Variants in BACH1 observed in about 807,000 individuals in gnomAD.
BACH1 encodes BTB domain and CNC homolog 1, also known as transcription regulator protein BACH1.
In BACH1, 35 loss-of-function variants were observed where a neutral mutation model predicts 52.9. The ratio of observed to expected loss-of-function variants is 0.66; its 90% confidence interval spans 0.51 to 0.88. The LOEUF is 0.88. Among genes scored for constraint, BACH1 ranks in the 40% least tolerant of loss-of-function variants. BACH1 has a pLI of 0.00. For missense variants in BACH1, 808 were observed against 872.6 expected, an observed-to-expected ratio of 0.93 and a Z score of 0.93; for synonymous variants, 321 against 319.6, an observed-to-expected ratio of 1.00 and a Z score of -0.05.
chr21:29,354,774 G>C (rs2089223533), intron 2 of BACH1, among the ~76,000 whole-genome samples: 1 of 152,172 alleles, frequency 6.6e-6, no homozygotes, highest in Non-Finnish European at 1.5e-5. Context: ...TAAGACTTCT[G>C]CTCAGGAGGA....
At chr21:29,321,577 A>G (rs1366155151) in intron 2 of BACH1, 63 bp downstream of exon 2, 3 of 1,451,864 alleles carry the variant, frequency 2.1e-6, no homozygotes, top group African/African-American at 1.4e-5. Flanking sequence ...ATGGTTCATA[A>G]TGTTGAAAAT....
At chr21:29,310,044 T>G (rs1380137536) in intron 1 of BACH1, among the ~76,000 whole-genome samples, 3 of 152,192 alleles carry the variant, frequency 2.0e-5, no homozygotes, top group African/African-American at 4.8e-5. Flanking sequence ...CTTCTTTTTA[T>G]TTTAGATTTC....
At chr21:29,313,846 G>T (rs892251866) in intron 1 of BACH1, among the ~76,000 whole-genome samples, 1 of 152,170 alleles carries the variant, frequency 6.6e-6, no homozygotes, top group Non-Finnish European at 1.5e-5. Flanking sequence ...AGGAAGGGGC[G>T]TGTGAAATTT....
At chr21:29,348,259 A>G (rs989730996), downstream of BACH1, among the ~76,000 whole-genome samples, 1 of 152,168 alleles carries the variant, frequency 6.6e-6, no homozygotes, top group Non-Finnish European at 1.5e-5. Context: ...TCCAGAAGGA[A>G]CTAGGTTTGA....
intron 2 of BACH1, 103 bp downstream of exon 2, chr21:29,321,617 G>T: frequency 4.0e-6 from 4 of 1,008,610 alleles, no homozygotes; most frequent in Admixed American, 3.1e-5. Context: ...AGGTGGCTAT[G>T]GAGCATTTCC....
At chr21:29,314,304 T>C (rs1341470130) in intron 1 of BACH1, among the ~76,000 whole-genome samples, 2 of 152,230 alleles carry the variant, frequency 1.3e-5, no homozygotes, top group Non-Finnish European at 2.9e-5. Context: ...TGACCTGGAA[T>C]TATCAAAGTT....
rs1314485271 is a variant in BACH1 at position 29,326,911 on chromosome 21, G to A, written c.1087G>A (p.Glu363Lys). The A allele has an allele frequency of 8.1e-6, 13 of 1,614,102 alleles. No homozygotes were observed. The highest frequency in any genetic ancestry group is 2.2e-5 in the East Asian group (1 of 44,892). The change falls in exon 3 of 5, where the codon GAA becomes AAA. Residue 363 changes from glutamate (E) to lysine (K), a missense_variant. Physicochemically the swap from Glu to Lys is moderately conservative, Grantham distance 56. Coordinates refer to ENST00000286800, the MANE Select transcript of BACH1 (RefSeq NM_001186.4). Reference protein sequence around the residue: ...GTDVQEKTFGESQDLPLKSDL... With the variant: ...GTDVQEKTFGKSQDLPLKSDL... ...AGACGTCCAAGAAAAAACATTTGGT[G>A]AAAGTCAGGATTTACCTTTGAAATC...
intron 4 of BACH1, among the ~76,000 whole-genome samples, chr21:29,330,249 C>T (rs1429137468): frequency 6.6e-6 from 1 of 152,236 alleles, no homozygotes; most frequent in Non-Finnish European, 1.5e-5. Context: ...ACTGCAAGCT[C>T]TGCCTGCTGG....
intron 1 of BACH1, among the ~76,000 whole-genome samples, chr21:29,305,863 T>G (rs1209792561): frequency 6.6e-6 from 1 of 152,252 alleles, no homozygotes; most frequent in Non-Finnish European, 1.5e-5. Context: ...GAAACAAATG[T>G]TTAGGCTTTT....
rs770425942 is a variant in BACH1, at chr21:29,326,968, G to A, written c.1144G>A (p.Ala382Thr). The A allele has an allele frequency of 4.3e-6, 7 of 1,614,232 alleles. No individual in the cohort carries two copies. The highest frequency in any genetic ancestry group is 1.6e-4 in the Middle Eastern group (1 of 6,062). The change falls in exon 3 of 5, where the codon GCA (alanine) becomes ACA (threonine). Residue 382 changes from alanine to threonine, a missense_variant. Ala to Thr is a moderately conservative substitution (Grantham distance 58). Transcript: ENST00000286800. The stretch of plus-strand genomic sequence containing the variant: ...GGGCACCAGGGAAGATAGTAGTGTT[G>A]CATCTAGTGATAGGAGTAGTGTGGA... ...DLGTREDSSV[A>T]SSDRSSVERE...
At position 29,342,908 on chromosome 21, in the gene BACH1, C is replaced by T. The variant is rs2123477198; in HGVS notation, c.*75C>T. Reference sequence around the variant, plus strand: ...CAGCGTCTTGAAAGCCTAATATGACCATCTGTTGCTCAACAATACTGTTTT... The same window carrying T: ...CAGCGTCTTGAAAGCCTAATATGACTATCTGTTGCTCAACAATACTGTTTT... On this transcript the variant is annotated 3_prime_UTR_variant, in exon 5 of 5. Coordinates refer to ENST00000286800, the MANE Select transcript of BACH1 (RefSeq NM_001186.4). 7.2e-7 allele frequency: 1 copy of T among 1,389,642 alleles called. No individual in the cohort carries two copies. Among genetic ancestry groups the T allele is most frequent in the Non-Finnish European group, 9.7e-7 (1 of 1,029,614 alleles). The allele number at this position is 1,389,642 out of a possible 1,614,324, so 86.1% of individuals were successfully genotyped here. A position where few individuals can be genotyped will look rare whatever the true frequency, so the allele number is the denominator to read the frequency against.
chr21:29,348,031 C>T (rs1003275776), downstream of BACH1, among the ~76,000 whole-genome samples: 1 of 152,042 alleles, frequency 6.6e-6, no homozygotes, highest in Non-Finnish European at 1.5e-5. Flanking sequence ...AATCTAAAGG[C>T]ATTAAAGTCT....
At chr21:29,351,626 T>C (rs764678153) in intron 2 of BACH1, 1 of 534,766 alleles carries the variant, frequency 1.9e-6, no homozygotes. Flanking sequence ...TGAGGGGTTC[T>C]GTTTCAGGGT....
chr21:29,328,976 A>G (rs1046339915), intron 3 of BACH1, among the ~76,000 whole-genome samples: 6 of 152,156 alleles, frequency 3.9e-5, no homozygotes, highest in African/African-American at 1.2e-4. Flanking sequence ...GGTTGTTTCC[A>G]TATCATGGCT....
At chr21:29,301,538 T>C (rs1176633686) in intron 1 of BACH1, among the ~76,000 whole-genome samples, 1 of 152,240 alleles carries the variant, frequency 6.6e-6, no homozygotes, top group Non-Finnish European at 1.5e-5. Context: ...AGCTTGAGTG[T>C]AAATTTCTTG....
At position 29,345,799 on chromosome 21, in the gene BACH1, T is replaced by A. The variant is rs555253037; in HGVS notation, c.*2966T>A. On this transcript the variant is annotated 3_prime_UTR_variant, in exon 5 of 5. Transcript: ENST00000286800. ...AACATCTATTTTGAATCTGTAAATA[T>A]TTTAAATGTTTTATTAAGGCATGTA... The A allele has an allele frequency of 1.3e-5, 2 of 152,638 alleles. No individual in the cohort carries two copies. The highest frequency in any genetic ancestry group is 4.8e-5 in the African/African-American group (2 of 41,464). The allele number at this position is 152,638 out of a possible 1,614,324, so 9.5% of individuals were successfully genotyped here.
intron 2 of BACH1, chr21:29,359,598 A>C (rs747386067): frequency 2.0e-5 from 3 of 151,990 alleles, no homozygotes; most frequent in Admixed American, 1.3e-4. Flanking sequence ...AAAGGAAAAT[A>C]AATCTCAAGA....
intron 2 of BACH1, chr21:29,351,647 A>C (rs149346893): frequency 1.1e-5 from 6 of 534,592 alleles, no homozygotes; most frequent in Non-Finnish European, 2.3e-5. Context: ...TCTGTGGAAA[A>C]TCTGATGTGC....
chr21:29,321,851 G>A lies in BACH1; in HGVS notation c.234+337G>A, dbSNP rs189849215. ...TGCTGTGTGACATTCTCTTCTAGGG[G>A]CCCTTTCCAGTGATCAGCAATTGTA... On this transcript the variant is annotated intron_variant, in intron 2 of 4. Transcript: ENST00000286800. Among the ~76,000 whole-genome samples the A allele has an allele frequency of 5.0e-3, 754 of 151,982 alleles. 2 individuals carry two copies. The highest frequency in any genetic ancestry group is 0.01 in the Middle Eastern group (3 of 294).
Sources: allele counts gnomAD v4.1 joint callset (sites outside exome capture counted in the v4.1 genomes callset), GRCh38; gene constraint gnomAD v4.1.1; transcripts MANE v1.5; gene names NCBI Gene and HGNC (gene_info 2026-07-23, HGNC 2026-07-21).